Variants in FRMD3 observed in about 807,000 individuals in gnomAD.
FRMD3 encodes the protein FERM domain-containing protein 3.
FRMD3 carries 33 observed loss-of-function variants against 70.2 expected under a neutral mutation model. The ratio of observed to expected loss-of-function variants is 0.47; its 90% CI spans 0.36 to 0.63. FRMD3 has a LOEUF of 0.63. Among genes scored for constraint, FRMD3 ranks in the 20% least tolerant of loss-of-function variants. The probability of loss-of-function intolerance (pLI) is 0.00; values close to 1 mark genes in which losing one functional copy is unlikely to be tolerated. For missense variants in FRMD3, 632 were observed against 711.4 expected (o/e 0.89, Z 1.27); for synonymous variants, 279 against 255.9 (o/e 1.09, Z -0.86).
intron 6 of FRMD3, among the ~76,000 whole-genome samples, chr9:83,320,924 G>T (rs1835777622): frequency 6.6e-6 from 1 of 152,010 alleles, no homozygotes; most frequent in Non-Finnish European, 1.5e-5. Context: ...GTTCAATCTT[G>T]TGAGGCTGGA....
chr9:83,479,951 G>T (rs1323324221), intron 1 of FRMD3, among the ~76,000 whole-genome samples: 2 of 152,122 alleles, frequency 1.3e-5, no homozygotes, highest in African/African-American at 2.4e-5. Flanking sequence ...AATACTAAGT[G>T]TTGGAGAGAT....
the FRMD3 span, among the ~76,000 whole-genome samples, chr9:83,568,998 G>T: frequency 8.0e-6 from 1 of 125,270 alleles, no homozygotes; most frequent in Non-Finnish European, 1.7e-5. Flanking sequence ...ATACATAGAG[G>T]TAATAATTGG....
At chr9:83,553,219 C>T in the FRMD3 span, among the ~76,000 whole-genome samples, 3 of 152,094 alleles carry the variant, frequency 2.0e-5, no homozygotes, top group African/African-American at 7.2e-5. Context: ...CTTATTTTTC[C>T]TTCACATAAG....
At chr9:83,336,334 A>C (rs537493761) in intron 5 of FRMD3, among the ~76,000 whole-genome samples, 21 of 152,162 alleles carry the variant, frequency 1.4e-4, no homozygotes, top group African/African-American at 4.6e-4. Flanking sequence ...AAAATGTTTT[A>C]CATTTTTTAA....
chr9:83,430,206 C>T (rs1000140074), intron 1 of FRMD3, among the ~76,000 whole-genome samples: 1 of 152,144 alleles, frequency 6.6e-6, no homozygotes, highest in Admixed American at 6.6e-5. Context: ...GTATCTCTTC[C>T]CTCCTCTTTG....
chr9:83,481,844 A>G (rs1292761018), intron 1 of FRMD3, among the ~76,000 whole-genome samples: 2 of 152,142 alleles, frequency 1.3e-5, no homozygotes, highest in African/African-American at 4.8e-5. Context: ...TGTGATCACC[A>G]AGAGGGGGAC....
chr9:83,463,416 G>A (rs953337797), intron 1 of FRMD3, among the ~76,000 whole-genome samples: 3 of 152,142 alleles, frequency 2.0e-5, no homozygotes, highest in African/African-American at 7.2e-5. Flanking sequence ...GGCAGAAGGG[G>A]AAGCAAACAC....
intron 1 of FRMD3, among the ~76,000 whole-genome samples, chr9:83,525,069 A>G (rs1483347408): frequency 1.3e-5 from 2 of 152,192 alleles, no homozygotes; most frequent in Non-Finnish European, 2.9e-5. Flanking sequence ...GATTTTTATC[A>G]TTATATTCAT....
intron 1 of FRMD3, among the ~76,000 whole-genome samples, chr9:83,407,631 C>T (rs1009696705): frequency 6.6e-6 from 1 of 152,100 alleles, no homozygotes; most frequent in African/African-American, 2.4e-5. Context: ...GTTATCTGTT[C>T]CTGTGTAACA....
At chr9:83,559,500 G>A in the FRMD3 span, among the ~76,000 whole-genome samples, 2 of 152,146 alleles carry the variant, frequency 1.3e-5, no homozygotes, top group African/African-American at 2.4e-5. Flanking sequence ...GTGGTGGTCT[G>A]GAACCAAACC....
intron 1 of FRMD3, among the ~76,000 whole-genome samples, chr9:83,396,487 C>CCAAT (rs1825815120): frequency 6.6e-6 from 1 of 152,142 alleles, no homozygotes; most frequent in Non-Finnish European, 1.5e-5. Flanking sequence ...GAACTATGAC[C>CCAAT]CAATCGCATC....
At chr9:83,395,511 T>C (rs923339334) in intron 1 of FRMD3, among the ~76,000 whole-genome samples, 4 of 152,228 alleles carry the variant, frequency 2.6e-5, no homozygotes, top group African/African-American at 7.2e-5. Context: ...AGTTTCCATG[T>C]CTGTTGTTCC....
At chr9:83,280,985 T>A (rs1833957570) in intron 13 of FRMD3, among the ~76,000 whole-genome samples, 1 of 152,188 alleles carries the variant, frequency 6.6e-6, no homozygotes, top group Admixed American at 6.5e-5. Context: ...CAGAGCCTCT[T>A]CTCTGAACCT....
chr9:83,367,605 G>C (rs1311601782), intron 3 of FRMD3, among the ~76,000 whole-genome samples: 2 of 152,214 alleles, frequency 1.3e-5, no homozygotes, highest in Non-Finnish European at 2.9e-5. Flanking sequence ...AGCTCCTAAA[G>C]AGAATACTCC....
chr9:83,406,711 C>A (rs74408977), intron 1 of FRMD3, among the ~76,000 whole-genome samples: 1 of 152,112 alleles, frequency 6.6e-6, no homozygotes. Context: ...ATGTTGTCAA[C>A]GGGTCCTTAT....
the FRMD3 span, among the ~76,000 whole-genome samples, chr9:83,557,530 T>G: frequency 6.6e-6 from 1 of 152,186 alleles, no homozygotes. Flanking sequence ...ATAACAGGAT[T>G]AGCAGACACA....
At chr9:83,513,309 A>C (rs1297131504) in intron 1 of FRMD3, among the ~76,000 whole-genome samples, 2 of 152,238 alleles carry the variant, frequency 1.3e-5, no homozygotes, top group African/African-American at 4.8e-5. Flanking sequence ...AAATTCTGGA[A>C]GGTTCCACCC....
chr9:83,387,127 T>C (rs1377809833), intron 2 of FRMD3, among the ~76,000 whole-genome samples: 1 of 152,176 alleles, frequency 6.6e-6, no homozygotes, highest in Admixed American at 6.5e-5. Flanking sequence ...AATTTCCTGT[T>C]TCTCCTTAAA....
At chr9:83,340,419 T>C (rs1033049783) in intron 5 of FRMD3, among the ~76,000 whole-genome samples, 1 of 152,170 alleles carries the variant, frequency 6.6e-6, no homozygotes, top group Non-Finnish European at 1.5e-5. Flanking sequence ...ACAACAGGGC[T>C]CTGAGAAAGA....
Sources: gnomAD v4.1 joint callset for allele counts (sites outside exome capture counted in the v4.1 genomes callset) on GRCh38, gnomAD v4.1.1 for gene constraint, MANE v1.5 for transcripts, NCBI Gene and HGNC (gene_info 2026-07-23, HGNC 2026-07-21) for gene names.